The following PITPNC1 variants were observed in gnomAD, a reference collection of about 807,000 sequenced individuals.
PITPNC1 encodes cytoplasmic phosphatidylinositol transfer protein 1.
In PITPNC1, 18 loss-of-function variants were observed where a neutral mutation model predicts 44.7. The observed-to-expected ratio is 0.40, with a 90% confidence interval of 0.28 to 0.60. The LOEUF is 0.60. Ranked by LOEUF, PITPNC1 falls within the 20% of genes least tolerant of loss-of-function variation. PITPNC1 has a pLI of 0.39. For synonymous variants in PITPNC1, 141 were observed against 149.6 expected (o/e 0.94, Z 0.42); for missense variants, 290 against 418.4 (o/e 0.69, Z 2.68).
chr17:67,415,641 A>G (rs1381464352), intron 1 of PITPNC1, among the ~76,000 whole-genome samples: 1 of 152,206 alleles, frequency 6.6e-6, no homozygotes, highest in African/African-American at 2.4e-5. Context: ...AATGTTGGCT[A>G]TTACAATTAC....
chr17:67,531,825 G>C (rs1036877374), intron 1 of PITPNC1, among the ~76,000 whole-genome samples: 1 of 152,110 alleles, frequency 6.6e-6, no homozygotes, highest in Non-Finnish European at 1.5e-5. Flanking sequence ...CAGCAGGGTC[G>C]CATCGTCCTG....
At chr17:67,651,649 C>T (rs895613542) in intron 6 of PITPNC1, among the ~76,000 whole-genome samples, 1 of 152,170 alleles carries the variant, frequency 6.6e-6, no homozygotes, top group Non-Finnish European at 1.5e-5. Flanking sequence ...AAAACATTTT[C>T]ATCACCCCAC....
intron 8 of PITPNC1, among the ~76,000 whole-genome samples, chr17:67,683,512 G>A (rs1204759788): frequency 1.3e-5 from 2 of 152,104 alleles, no homozygotes; most frequent in African/African-American, 2.4e-5. Context: ...TAGTCTGTGA[G>A]GATATTTCAG....
intron 8 of PITPNC1, among the ~76,000 whole-genome samples, chr17:67,689,211 A>C (rs955954820): frequency 6.6e-5 from 10 of 151,078 alleles, no homozygotes; most frequent in African/African-American, 2.4e-4. Flanking sequence ...TCAAATAAAT[A>C]AATAAATAAA....
At chr17:67,622,214 G>T (rs2041839446) in intron 5 of PITPNC1, among the ~76,000 whole-genome samples, 1 of 142,608 alleles carries the variant, frequency 7.0e-6, no homozygotes, top group Non-Finnish European at 1.5e-5. Flanking sequence ...CCGAGATTGC[G>T]CCACTGCACT....
At chr17:67,466,066 T>C (rs1187271385) in intron 1 of PITPNC1, among the ~76,000 whole-genome samples, 1 of 151,712 alleles carries the variant, frequency 6.6e-6, no homozygotes, top group Non-Finnish European at 1.5e-5. Flanking sequence ...AGTGGTGCCA[T>C]CATAGTTCAC....
intron 1 of PITPNC1, among the ~76,000 whole-genome samples, chr17:67,406,673 G>A (rs1445497856): frequency 2.7e-5 from 4 of 150,436 alleles, no homozygotes; most frequent in South Asian, 4.2e-4. Context: ...TGCAGCATCC[G>A]CCTCCCAGGT....
chr17:67,576,838 A>T (rs915451281), intron 4 of PITPNC1, among the ~76,000 whole-genome samples: 40 of 152,186 alleles, frequency 2.6e-4, no homozygotes, highest in African/African-American at 9.2e-4. Context: ...TGCTGAATGC[A>T]TTCTTGCTGC....
chr17:67,621,226 A>ATTTTATTTTATTTTATTTT (rs1567743343), intron 5 of PITPNC1, among the ~76,000 whole-genome samples: 34 of 150,336 alleles, frequency 2.3e-4, no homozygotes, highest in South Asian at 4.2e-4. Context: ...ATTTTATTTT[A>ATTTTATTTTATTTTATTTT]AGACAAAGTT....
At chr17:67,386,382 G>T (rs933575563) in intron 1 of PITPNC1, among the ~76,000 whole-genome samples, 1 of 152,028 alleles carries the variant, frequency 6.6e-6, no homozygotes, top group East Asian at 1.9e-4. Context: ...TAGTAGAGTC[G>T]GGGTTTCACC....
intron 6 of PITPNC1, among the ~76,000 whole-genome samples, chr17:67,649,180 C>T (rs1598931732): frequency 6.6e-6 from 1 of 152,250 alleles, no homozygotes; most frequent in South Asian, 2.1e-4. Context: ...TGACTGTTTG[C>T]TGAGCCGGGA....
rs147007888 is a variant in PITPNC1 at position 67,437,318 on chromosome 17, A to G, written c.48+59116A>G. On this transcript the variant is annotated intron_variant, in intron 1 of 8. Transcript: ENST00000581322. ...TGTATCCAATGACTGATGTCCTTAT[A>G]GGAAGGGGAGCGGACATAGAGAGAC... Among the ~76,000 whole-genome samples the G allele has an allele frequency of 1.3e-3, 195 of 152,240 alleles. 1 individual carries two copies. The highest frequency in any genetic ancestry group is 4.3e-3 in the African/African-American group (177 of 41,532).
At chr17:67,671,743 T>C (rs2042516345) in intron 7 of PITPNC1, among the ~76,000 whole-genome samples, 1 of 152,170 alleles carries the variant, frequency 6.6e-6, no homozygotes. Context: ...CAGGATCTCC[T>C]GTTTTCCTCC....
intron 1 of PITPNC1, among the ~76,000 whole-genome samples, chr17:67,402,947 G>A (rs927860012): frequency 5.3e-5 from 8 of 152,266 alleles, no homozygotes; most frequent in African/African-American, 1.7e-4. Context: ...GATTACAGGC[G>A]TGAGCCACCG....
intron 6 of PITPNC1, among the ~76,000 whole-genome samples, chr17:67,641,919 T>C (rs1291465364): frequency 6.6e-6 from 1 of 152,146 alleles, no homozygotes; most frequent in Non-Finnish European, 1.5e-5. Context: ...GAAACAGCCA[T>C]AGATATATTT....
At chr17:67,517,827 C>T (rs2040277220) in intron 1 of PITPNC1, among the ~76,000 whole-genome samples, 1 of 152,084 alleles carries the variant, frequency 6.6e-6, no homozygotes, top group Non-Finnish European at 1.5e-5. Flanking sequence ...AATTGGATAG[C>T]GGTGATGATT....
At chr17:67,469,490 CAAGGGAG>C (rs1387646558) in intron 1 of PITPNC1, among the ~76,000 whole-genome samples, 2 of 152,198 alleles carry the variant, frequency 1.3e-5, no homozygotes, top group Admixed American at 6.5e-5. Flanking sequence ...TGCCTGTTGA[CAAGGGAG>C]AAGCCTGGTC....
intron 5 of PITPNC1, among the ~76,000 whole-genome samples, chr17:67,594,712 G>A (rs1450968524): frequency 6.6e-6 from 1 of 152,138 alleles, no homozygotes; most frequent in Non-Finnish European, 1.5e-5. Flanking sequence ...ACAGAACCGT[G>A]GCAGAATGGA....
chr17:67,573,045 C>A (rs761134073), intron 4 of PITPNC1, among the ~76,000 whole-genome samples: 41 of 152,326 alleles, frequency 2.7e-4, no homozygotes, highest in Admixed American at 3.3e-4. Context: ...GCCTCCAGAA[C>A]TGTGAGAGAA....
Sources: gnomAD v4.1 joint callset for allele counts (sites outside exome capture counted in the v4.1 genomes callset) on GRCh38, gnomAD v4.1.1 for gene constraint, MANE v1.5 for transcripts, NCBI Gene and HGNC (gene_info 2026-07-23, HGNC 2026-07-21) for gene names.